MAP1B: variants seen among roughly 807,000 people sequenced by gnomAD.
The protein encoded by MAP1B is microtubule-associated protein 1B.
Under a neutral mutation model 176.1 loss-of-function variants are expected in MAP1B, and 12 were observed. The ratio of observed to expected loss-of-function variants is 0.07; its 90% CI spans 0.04 to 0.11. MAP1B has a LOEUF of 0.11. Ranked by LOEUF, MAP1B falls within the 10% of genes least tolerant of loss-of-function variation. MAP1B has a pLI of 1.00. For synonymous variants in MAP1B, 1,044 were observed against 1,135.0 expected (o/e 0.92, Z 1.61); for missense variants, 2,523 against 2,990.5 (o/e 0.84, Z 3.65).
At chr5:72,147,410 G>A (rs917807532) in intron 2 of MAP1B, among the ~76,000 whole-genome samples, 4 of 151,648 alleles carry the variant, frequency 2.6e-5, no homozygotes, top group African/African-American at 9.7e-5. Context: ...CACTTGCTCT[G>A]TAACTATTTG....
rs759270451 is a variant in MAP1B at position 72,197,551 on chromosome 5, G to A, written c.4196G>A (p.Arg1399His). 5 of 1,614,100 alleles carry A rather than the reference G, an allele frequency of 3.1e-6. No individual in the cohort carries two copies. The highest frequency in any genetic ancestry group is 2.2e-5 in the East Asian group (1 of 44,880). Residue 1399 changes from arginine to histidine, a missense_variant, in exon 5 of 7, where the codon CGC (arginine) becomes CAC (histidine). Physicochemically the swap from Arg to His is conservative, Grantham distance 29. This residue lies in a region of MAP1B where 1,925 missense variants were observed against 2,126.0 expected (regional missense o/e 0.91). Coordinates refer to ENST00000296755, the MANE Select transcript of MAP1B (RefSeq NM_005909.5). The stretch of plus-strand genomic sequence containing the variant: ...ATTGAAAAAGTTTTGTCTCCTTTAC[G>A]CAGCCCGCCCCTCATTGGATCCGAG... ...SPIEKVLSPL[R>H]SPPLIGSESA...
chr5:72,125,283 C>T (rs1745607252), intron 2 of MAP1B, among the ~76,000 whole-genome samples: 1 of 151,816 alleles, frequency 6.6e-6, no homozygotes, highest in African/African-American at 2.4e-5. Flanking sequence ...TGCTCAAGTG[C>T]CTTGTAGTTA....
intron 2 of MAP1B, among the ~76,000 whole-genome samples, chr5:72,123,079 AAAT>A (rs1476619861): frequency 6.6e-6 from 1 of 152,082 alleles, no homozygotes; most frequent in African/African-American, 2.4e-5. Flanking sequence ...AGCCTACTAG[AAAT>A]AATGGTGGAA....
Position 72,197,724 on chromosome 5 carries a change from A to T in MAP1B, c.4369A>T (p.Lys1457Ter). Residue 1457 changes from lysine (K) to a stop codon, truncating the protein, a stop_gained, in exon 5 of 7, where the codon AAA (lysine) becomes TAA (stop). Coordinates refer to ENST00000296755, the MANE Select transcript of MAP1B (RefSeq NM_005909.5). LOFTEE classifies it high-confidence loss of function. ...EMTSTSLYQD[K>*]QEGKSTDFAP... is the part of the protein sequence containing the mutation. The stretch of plus-strand genomic sequence containing the variant: ...GACTTCTACTAGTCTTTACCAAGAC[A>T]AACAGGAAGGGAAAAGCACAGACTT... The T allele has an allele frequency of 6.2e-7, 1 of 1,614,120 alleles. No individual in the cohort carries two copies.
chr5:72,134,244 A>G (rs917554420), intron 2 of MAP1B, among the ~76,000 whole-genome samples: 6 of 152,248 alleles, frequency 3.9e-5, no homozygotes, highest in African/African-American at 1.4e-4. Flanking sequence ...GCCTGAATCC[A>G]TGGTCAGTGA....
chr5:72,164,885 G>A (rs961228681), intron 2 of MAP1B, among the ~76,000 whole-genome samples: 1 of 152,166 alleles, frequency 6.6e-6, no homozygotes, highest in Non-Finnish European at 1.5e-5. Context: ...TCTATTCATA[G>A]GTGATATTTA....
At position 72,199,308 on chromosome 5, in the gene MAP1B, G is replaced by GATGACATCA. The variant is rs1316209694; in HGVS notation, c.5954_5962dup (p.Ile1987_Ser1988insAsnAspIle). 1.2e-6 allele frequency: 2 copies of GATGACATCA among 1,613,980 alleles called. No individual in the cohort carries two copies. The highest frequency in any genetic ancestry group is 2.7e-5 in the African/African-American group (2 of 74,912). On this transcript the variant is annotated inframe_insertion, in exon 5 of 7. Coordinates refer to ENST00000296755, the MANE Select transcript of MAP1B (RefSeq NM_005909.5). The surrounding 1 kb of genome is among the most constrained non-coding windows in gnomAD (Gnocchi z 4.2). ...GACTGAGAGGTCTAGAAGGCTTCTG[G>GATGACATCA]ATGACATCAGCAATGGCTATGATGA...
intron 4 of MAP1B, among the ~76,000 whole-genome samples, chr5:72,189,201 A>T (rs1007974784): frequency 6.6e-6 from 1 of 152,228 alleles, no homozygotes; most frequent in Non-Finnish European, 1.5e-5. Flanking sequence ...TTTGAGCTTC[A>T]GGTTTTGGAG....
chr5:72,159,755 G>A (rs778895977), intron 2 of MAP1B, among the ~76,000 whole-genome samples: 11 of 152,202 alleles, frequency 7.2e-5, no homozygotes, highest in Non-Finnish European at 1.2e-4. Flanking sequence ...GATTTCAGAG[G>A]CCCTACAGGA....
At chr5:72,117,800 C>T (rs536804553) in intron 2 of MAP1B, among the ~76,000 whole-genome samples, 135 of 152,312 alleles carry the variant, frequency 8.9e-4, no homozygotes, top group African/African-American at 3.0e-3. Flanking sequence ...CCTATGAGTA[C>T]GCTTTACAGG....
chr5:72,199,013 T>C lies in MAP1B; in HGVS notation c.5658T>C (p.Asp1886=). Reference sequence around the variant, plus strand: ...CAACCAGGTCCCCAGATGAAGAAGATTATGACTATGAGTCTTATGAGAAGA... The same window carrying C: ...CAACCAGGTCCCCAGATGAAGAAGACTATGACTATGAGTCTTATGAGAAGA... ...EETTRSPDEE[D]YDYESYEKTT... is the part of the protein sequence containing the mutation. Residue 1886 remains aspartate (D), a synonymous_variant, in exon 5 of 7, where the codon GAT becomes GAC. Transcript: ENST00000296755. The surrounding 1 kb of genome is among the most constrained non-coding windows in gnomAD (Gnocchi z 4.2). The C allele has an allele frequency of 6.2e-7, 1 of 1,614,144 alleles. No individual in the cohort carries two copies. Among genetic ancestry groups the C allele is most frequent in the Non-Finnish European group, 8.5e-7 (1 of 1,180,028 alleles).
At chr5:72,140,293 A>G (rs1745923333) in intron 2 of MAP1B, among the ~76,000 whole-genome samples, 1 of 152,250 alleles carries the variant, frequency 6.6e-6, no homozygotes, top group Non-Finnish European at 1.5e-5. Context: ...ACCATGGTAT[A>G]GAAAATACAG....
At chr5:72,109,202 T>C (rs1439772674) in intron 1 of MAP1B, among the ~76,000 whole-genome samples, 2 of 151,668 alleles carry the variant, frequency 1.3e-5, no homozygotes, top group Admixed American at 6.6e-5. Context: ...TTCTTTTGTT[T>C]AACTTTAAAG....
At chr5:72,165,843 C>T (rs1194371794) in intron 2 of MAP1B, among the ~76,000 whole-genome samples, 3 of 152,052 alleles carry the variant, frequency 2.0e-5, no homozygotes, top group Non-Finnish European at 2.9e-5. Context: ...TGGGAGACAC[C>T]GTGATAGAGC....
In MAP1B at chr5:72,205,354, G is replaced by A; in HGVS notation, c.*115G>A. Reference sequence around the variant, plus strand: ...TAGTTAAGTCGCTGAACAATTACCTGCCAAATGCTATACTGTGTCATGGTG... The same window carrying A: ...TAGTTAAGTCGCTGAACAATTACCTACCAAATGCTATACTGTGTCATGGTG... On this transcript the variant is annotated 3_prime_UTR_variant, in exon 7 of 7. Coordinates refer to ENST00000296755, the MANE Select transcript of MAP1B (RefSeq NM_005909.5). 2.9e-6 allele frequency: 3 copies of A among 1,035,952 alleles called. No homozygotes were observed. Among genetic ancestry groups the A allele is most frequent in the Non-Finnish European group, 4.3e-6 (3 of 703,990 alleles). 64.2% of individuals were successfully genotyped at this position (1,035,952 alleles called of 1,614,324 possible).
intron 2 of MAP1B, among the ~76,000 whole-genome samples, chr5:72,159,402 A>C (rs1746288588): frequency 6.7e-6 from 1 of 150,364 alleles, no homozygotes; most frequent in African/African-American, 2.4e-5. Context: ...AGAGAGCAAA[A>C]ATGTCTGGTG....
intron 2 of MAP1B, among the ~76,000 whole-genome samples, chr5:72,117,299 G>A (rs1256839260): frequency 6.6e-6 from 1 of 152,162 alleles, no homozygotes; most frequent in Admixed American, 6.5e-5. Flanking sequence ...CAAAAAAAAT[G>A]AGGGAAGTGC....
chr5:72,155,251 A>C (rs942386071), intron 2 of MAP1B, among the ~76,000 whole-genome samples: 1 of 152,216 alleles, frequency 6.6e-6, no homozygotes, highest in African/African-American at 2.4e-5. Flanking sequence ...TATAGCAAAG[A>C]GCTAACTGGT....
intron 2 of MAP1B, among the ~76,000 whole-genome samples, chr5:72,171,243 G>A (rs80159550): frequency 0.018 from 2,759 of 152,256 alleles, 95 homozygotes; most frequent in East Asian, 0.15. Flanking sequence ...AGATGCAGTC[G>A]AGGTCTTGAA....
Sources: gnomAD v4.1 joint callset for allele counts (sites outside exome capture counted in the v4.1 genomes callset) on GRCh38, gnomAD v4.1.1 for gene constraint, gnomAD v4.1.1 regional missense constraint, Gnocchi (gnomAD v3.1) non-coding constraint, MANE v1.5 for transcripts, NCBI Gene and HGNC (gene_info 2026-07-23, HGNC 2026-07-21) for gene names.